The following CCSER1 variants were observed in gnomAD, a reference collection of about 807,000 sequenced individuals.
The protein encoded by CCSER1 is coiled-coil serine rich protein 1.
A neutral mutation model predicts 82.0 loss-of-function variants in CCSER1; 41 were observed. That is an observed-to-expected ratio of 0.50 (90% CI 0.39 to 0.65). The LOEUF (loss-of-function observed/expected upper bound fraction) is 0.65. Among genes scored for constraint, CCSER1 ranks in the 30% least tolerant of loss-of-function variants. CCSER1 has a pLI of 0.00. For missense variants in CCSER1, 1,119 were observed against 1,064.2 expected (o/e 1.05, Z -0.72); for synonymous variants, 414 against 383.9 (o/e 1.08, Z -0.92).
chr4:90,510,273 C>G (rs1331145796), intron 5 of CCSER1, among the ~76,000 whole-genome samples: 2 of 152,042 alleles, frequency 1.3e-5, no homozygotes, highest in African/African-American at 4.8e-5. Flanking sequence ...AGACTGAGAT[C>G]AATAAAGGTA....
intron 1 of CCSER1, among the ~76,000 whole-genome samples, chr4:90,262,982 G>T (rs1724605612): frequency 6.6e-6 from 1 of 152,076 alleles, no homozygotes; most frequent in Non-Finnish European, 1.5e-5. Context: ...CCTGTGGGAG[G>T]AGTCTCAGTT....
At chr4:91,218,146 C>T (rs1260332851) in intron 10 of CCSER1, among the ~76,000 whole-genome samples, 5 of 152,366 alleles carry the variant, frequency 3.3e-5, no homozygotes, top group East Asian at 3.9e-4. Flanking sequence ...AGCGAGAAAT[C>T]GAGCACAGCA....
intron 8 of CCSER1, among the ~76,000 whole-genome samples, chr4:90,880,594 G>A (rs1332983854): frequency 6.6e-5 from 10 of 152,194 alleles, no homozygotes; most frequent in Admixed American, 6.5e-4. Flanking sequence ...AGTTGCCCTT[G>A]GAGGCTCTGT....
chr4:90,703,919 CTT>C (rs1738730261), intron 6 of CCSER1, among the ~76,000 whole-genome samples: 1 of 152,116 alleles, frequency 6.6e-6, no homozygotes, highest in Non-Finnish European at 1.5e-5. Flanking sequence ...GGTCTTTACT[CTT>C]TATCCAATTT....
At chr4:90,868,673 A>G (rs1766053666) in intron 8 of CCSER1, among the ~76,000 whole-genome samples, 1 of 152,004 alleles carries the variant, frequency 6.6e-6, no homozygotes, top group African/African-American at 2.4e-5. Context: ...AAAAATGGAG[A>G]TATACCTTTA....
intron 1 of CCSER1, among the ~76,000 whole-genome samples, chr4:90,214,562 G>A (rs1740663291): frequency 7.4e-6 from 1 of 135,672 alleles, no homozygotes; most frequent in Non-Finnish European, 1.7e-5. Flanking sequence ...TAGCCATGCA[G>A]TTGCTAGGTC....
intron 4 of CCSER1, among the ~76,000 whole-genome samples, chr4:90,466,431 A>G (rs755221932): frequency 1.6e-4 from 25 of 152,204 alleles, no homozygotes; most frequent in Non-Finnish European, 3.5e-4. Context: ...GAATCCTGCT[A>G]CTGGAAGGAG....
chr4:90,585,293 T>C (rs1431537567), intron 5 of CCSER1, among the ~76,000 whole-genome samples: 1 of 152,166 alleles, frequency 6.6e-6, no homozygotes, highest in Non-Finnish European at 1.5e-5. Flanking sequence ...TACTAACAAC[T>C]TGGAAAACTA....
chr4:90,409,134 A>C (rs909586479), intron 4 of CCSER1, among the ~76,000 whole-genome samples: 63 of 152,350 alleles, frequency 4.1e-4, no homozygotes, highest in African/African-American at 1.3e-3. Context: ...ACTATGTGAA[A>C]AGACCAAATC....
At chr4:91,346,098 A>G (rs1024393533) in intron 10 of CCSER1, among the ~76,000 whole-genome samples, 1 of 149,954 alleles carries the variant, frequency 6.7e-6, no homozygotes, top group Non-Finnish European at 1.5e-5. Context: ...GTCTTGGCTC[A>G]CTGCAACCTC....
rs1009666849 is a variant in CCSER1 at position 91,601,249 on chromosome 4, G to A, written c.*2192G>A. The A allele has an allele frequency of 6.6e-6, 1 of 151,988 alleles. No homozygotes were observed. The highest frequency in any genetic ancestry group is 6.6e-5 in the Admixed American group (1 of 15,232). 9.4% of individuals were successfully genotyped at this position (151,988 alleles called of 1,614,324 possible). A position where few individuals can be genotyped will look rare whatever the true frequency, so the allele number is the denominator to read the frequency against. ...CTGTCATTTAATAGACATTTTAAGA[G>A]ATGTTTTAAACGCTAGTATTTTCTT... On this transcript the variant is annotated 3_prime_UTR_variant, in exon 11 of 11. Coordinates refer to ENST00000509176, the MANE Select transcript of CCSER1 (RefSeq NM_001145065.2).
chr4:91,077,787 A>C (rs1170562988), intron 9 of CCSER1, among the ~76,000 whole-genome samples: 2 of 152,222 alleles, frequency 1.3e-5, no homozygotes, highest in African/African-American at 4.8e-5. Context: ...ACAGCACACC[A>C]GGAGATTATA....
intron 5 of CCSER1, among the ~76,000 whole-genome samples, chr4:90,499,177 T>C (rs1202853596): frequency 6.6e-6 from 1 of 151,918 alleles, no homozygotes; most frequent in African/African-American, 2.4e-5. Flanking sequence ...ATTTTAAGGC[T>C]TTATTACCAT....
At chr4:90,203,845 C>T (rs1381235739) in intron 1 of CCSER1, among the ~76,000 whole-genome samples, 1 of 152,200 alleles carries the variant, frequency 6.6e-6, no homozygotes, top group African/African-American at 2.4e-5. Flanking sequence ...ACATCATCTC[C>T]AGCATCTGTT....
intron 8 of CCSER1, among the ~76,000 whole-genome samples, chr4:90,825,888 C>T (rs541974600): frequency 3.3e-5 from 5 of 151,892 alleles, no homozygotes; most frequent in African/African-American, 1.2e-4. Flanking sequence ...GACGGGGTTT[C>T]GCCATATTAG....
intron 2 of CCSER1, 95 bp from the exon 3 acceptor site, chr4:90,312,768 T>C: frequency 1.1e-6 from 1 of 947,026 alleles, no homozygotes; most frequent in South Asian, 1.7e-5. Flanking sequence ...AAACTTTGAA[T>C]AACACTAAGA....
At chr4:91,132,732 T>G (rs1203732350) in intron 10 of CCSER1, among the ~76,000 whole-genome samples, 1 of 152,166 alleles carries the variant, frequency 6.6e-6, no homozygotes, top group Non-Finnish European at 1.5e-5. Context: ...TTATGAAGTA[T>G]TAGAAAAGTT....
intron 1 of CCSER1, among the ~76,000 whole-genome samples, chr4:90,130,603 T>A (rs552925928): frequency 3.9e-5 from 6 of 152,266 alleles, no homozygotes; most frequent in African/African-American, 1.4e-4. Flanking sequence ...TGGATGTACA[T>A]CCTTCTACAC....
intron 1 of CCSER1, among the ~76,000 whole-genome samples, chr4:90,238,855 AT>A (rs1460989618): frequency 1.4e-3 from 210 of 146,010 alleles, no homozygotes; most frequent in African/African-American, 2.6e-3. Flanking sequence ...TCTAGCATTA[AT>A]TTTTTTTTTT....
Sources: allele counts gnomAD v4.1 joint callset (sites outside exome capture counted in the v4.1 genomes callset), GRCh38; gene constraint gnomAD v4.1.1; transcripts MANE v1.5; gene names NCBI Gene and HGNC (gene_info 2026-07-23, HGNC 2026-07-21).